Variants in PHF8 observed in about 807,000 individuals in gnomAD.
PHF8 encodes the protein histone lysine demethylase PHF8.
A neutral mutation model predicts 74.4 loss-of-function variants in PHF8; 9 were observed. The observed-to-expected ratio is 0.12, with a 90% CI of 0.07 to 0.21. The LOEUF (loss-of-function observed/expected upper bound fraction) is 0.21, where lower values mean the gene tolerates loss of function less well. PHF8 is among the 10% of genes least tolerant of loss of function. The pLI, the probability that PHF8 is intolerant of heterozygous loss-of-function variation, is 1.00. For missense variants in PHF8, 478 were observed against 816.6 expected, an observed-to-expected ratio of 0.59 and a Z score of 5.05; for synonymous variants, 311 against 316.6, an observed-to-expected ratio of 0.98 and a Z score of 0.19.
intron 14 of PHF8, among the ~76,000 whole-genome samples, chrX:53,991,804 C>A (rs1279136025): frequency 9.1e-6 from 1 of 110,094 alleles, no homozygotes; most frequent in African/African-American, 3.3e-5. Flanking sequence ...GGAGTTAGAG[C>A]TCAGCCTGGG....
At chrX:54,000,786 CCAGGACGGT>C (rs2065815176) in intron 10 of PHF8, among the ~76,000 whole-genome samples, 1 of 112,753 alleles carries the variant, frequency 8.9e-6, no homozygotes, top group African/African-American at 3.2e-5. Flanking sequence ...AACAATGATG[CCAGGACGGT>C]CAGGACTGGG....
Position 54,044,030 on chromosome X carries a change from C to T in PHF8, c.-361G>A. On this transcript the variant is annotated 5_prime_UTR_variant, in exon 1 of 22. Transcript: ENST00000338154. ...AGTCCCCGTACCGCCGGGAACCTCG[C>T]TCGCCTTCCCCTCGAGCCCCCCGCT... 1 of 755,248 alleles carries T rather than the reference C, an allele frequency of 1.3e-6. No individual in the cohort carries two copies. Among genetic ancestry groups the T allele is most frequent in the African/African-American group, 2.3e-5 (1 of 44,137 alleles). 62.2% of individuals were successfully genotyped at this position (755,248 alleles called of 1,213,427 possible).
intron 19 of PHF8, among the ~76,000 whole-genome samples, chrX:53,958,111 G>A (rs1420896509): frequency 9.3e-6 from 1 of 107,379 alleles, no homozygotes; most frequent in Non-Finnish European, 1.9e-5. Flanking sequence ...GCAAAATCTC[G>A]GCTCACTGCA....
chrX:53,996,669 C>T (rs1478379679), intron 11 of PHF8, among the ~76,000 whole-genome samples: 4 of 111,214 alleles, frequency 3.6e-5, no homozygotes, highest in African/African-American at 1.3e-4. Context: ...GCCTCAGCCT[C>T]CCCAGTAGCT....
At chrX:54,027,583 T>C (rs2066286791) in intron 2 of PHF8, among the ~76,000 whole-genome samples, 1 of 111,567 alleles carries the variant, frequency 9.0e-6, no homozygotes, top group Non-Finnish European at 1.9e-5. Context: ...CCTGACCTCC[T>C]TGTTGATATA....
At chrX:53,940,573 G>A in intron 20 of PHF8, 57 bp from the exon 21 acceptor site, 8 of 838,959 alleles carry the variant, frequency 9.5e-6, no homozygotes, top group Middle Eastern at 6.3e-4. Context: ...CAAGTTCCCA[G>A]GAAAGGAACT....
chrX:53,978,784 C>T (rs1033898251), intron 18 of PHF8, among the ~76,000 whole-genome samples: 10 of 91,951 alleles, frequency 1.1e-4, no homozygotes, highest in Non-Finnish European at 1.9e-4. Flanking sequence ...GGCGACAGTG[C>T]GAGGCTCCAT....
chrX:54,003,298 C>T (rs2065852261), intron 8 of PHF8, among the ~76,000 whole-genome samples: 1 of 111,785 alleles, frequency 8.9e-6, no homozygotes, highest in Admixed American at 9.5e-5. Context: ...CGACTGTTTG[C>T]AAACCACTGC....
At chrX:53,947,654 C>T (rs2068863623) in intron 19 of PHF8, among the ~76,000 whole-genome samples, 2 of 111,901 alleles carry the variant, frequency 1.8e-5, no homozygotes. Flanking sequence ...AGATCTGTGC[C>T]CCACTCTTGA....
At chrX:53,986,060 T>C (rs1280839094) in intron 16 of PHF8, 111 bp from the exon 17 acceptor site, 3 of 709,666 alleles carry the variant, frequency 4.2e-6, no homozygotes, top group Admixed American at 2.2e-5. Flanking sequence ...GCACCAAGTA[T>C]AGACCAAGTA....
At chrX:53,971,522 C>CA (rs782659073) in intron 18 of PHF8, among the ~76,000 whole-genome samples, 33 of 110,634 alleles carry the variant, frequency 3.0e-4, no homozygotes, top group Non-Finnish European at 4.9e-4. Context: ...TTCAAAAAAA[C>CA]AAAAAATCAA....
intron 1 of PHF8, chrX:54,043,166 C>T: frequency 1.3e-6 from 1 of 785,918 alleles, no homozygotes. Context: ...CCCTAGCTGA[C>T]CCCTGTTTCA....
At chrX:54,039,423 A>G (rs1557115274) in intron 2 of PHF8, among the ~76,000 whole-genome samples, 2 of 111,518 alleles carry the variant, frequency 1.8e-5, no homozygotes, top group South Asian at 3.7e-4. Flanking sequence ...AGCAAAAGAG[A>G]TTTTTAAAAT....
chrX:53,954,499 CAAAAAAAAAAAAAAA>C (rs1180184175), intron 19 of PHF8, among the ~76,000 whole-genome samples: 1 of 13,138 alleles, frequency 7.6e-5, no homozygotes, highest in African/African-American at 2.4e-4. Flanking sequence ...GACTCTGTCT[CAAAAAAAAAAAAAAA>C]AAAAAAAAAA....
intron 18 of PHF8, among the ~76,000 whole-genome samples, chrX:53,979,850 G>A (rs1473663044): frequency 9.0e-6 from 1 of 111,439 alleles, no homozygotes; most frequent in Non-Finnish European, 1.9e-5. Flanking sequence ...TTAACCAGGA[G>A]TGGTGGCGTG....
In PHF8 at chrX:53,939,044, G is replaced by A. The variant is rs372771109; in HGVS notation, c.*114C>T. On this transcript the variant is annotated 3_prime_UTR_variant, in exon 22 of 22. Transcript: ENST00000338154. ...GCCTTTGGTAAGTCCCAAGAAAGCA[G>A]GACAATGCACCTCAGCACCTTGTCC... is the stretch of plus-strand genomic sequence containing the variant. 8.9e-7 allele frequency: 1 copy of A among 1,122,185 alleles called. No individual in the cohort carries two copies. Among genetic ancestry groups the A allele is most frequent in the Non-Finnish European group, 1.2e-6 (1 of 849,899 alleles). 92.5% of individuals were successfully genotyped at this position (1,122,185 alleles called of 1,213,427 possible).
intron 18 of PHF8, among the ~76,000 whole-genome samples, chrX:53,969,115 G>A (rs2065255362): frequency 9.1e-6 from 1 of 109,966 alleles, no homozygotes; most frequent in Non-Finnish European, 1.9e-5. Flanking sequence ...GGCACCTGTA[G>A]TCCCAGCTAC....
At chrX:53,943,897 T>C (rs782500654) in intron 20 of PHF8, among the ~76,000 whole-genome samples, 4 of 111,990 alleles carry the variant, frequency 3.6e-5, no homozygotes, top group South Asian at 7.4e-4. Context: ...TTCTCTGGCC[T>C]AATATTTTCT....
At chrX:53,948,844 AG>A (rs1418853093) in intron 19 of PHF8, among the ~76,000 whole-genome samples, 7 of 102,517 alleles carry the variant, frequency 6.8e-5, no homozygotes, top group African/African-American at 2.5e-4. Flanking sequence ...ACCAACATGG[AG>A]AAACCCTGTC....
Sources: allele counts gnomAD v4.1 joint callset (sites outside exome capture counted in the v4.1 genomes callset), GRCh38; gene constraint gnomAD v4.1.1; transcripts MANE v1.5; gene names NCBI Gene and HGNC (gene_info 2026-07-23, HGNC 2026-07-21).